RIMBP2: variants seen among roughly 807,000 people sequenced by gnomAD.
RIMBP2 encodes the protein RIMS binding protein 2.
A neutral mutation model predicts 118.6 loss-of-function variants in RIMBP2; 48 were observed. That is an observed-to-expected ratio of 0.40 (90% CI 0.32 to 0.51). The LOEUF (loss-of-function observed/expected upper bound fraction) is 0.51. Ranked by LOEUF, RIMBP2 falls within the 20% of genes least tolerant of loss-of-function variation. The pLI, the probability that RIMBP2 is intolerant of heterozygous loss-of-function variation, is 0.41. For missense variants in RIMBP2, 1,551 were observed against 1,768.3 expected (o/e 0.88, Z 2.20); for synonymous variants, 762 against 742.9 (o/e 1.03, Z -0.42).
chr12:130,479,193 C>A (rs1417653906), intron 4 of RIMBP2, among the ~76,000 whole-genome samples, 177 bp from the exon 5 acceptor site: 1 of 152,228 alleles, frequency 6.6e-6, no homozygotes, highest in Non-Finnish European at 1.5e-5. Context: ...GGCGGCACTC[C>A]CAATGCGGGA....
Position 130,419,834 on chromosome 12 carries a change from C to A in RIMBP2, c.3238+2619G>T, listed in dbSNP as rs1183154202. On this transcript the variant is annotated intron_variant, in intron 17 of 22. Transcript: ENST00000690449. The surrounding 1 kb of genome is among the most constrained non-coding windows in gnomAD (Gnocchi z 4.3). Reference sequence around the variant, plus strand: ...TCAACAACTAGATAAATGCAAAGACCAAAAGTTATAAAGGATAAAAATCAA... The same window carrying A: ...TCAACAACTAGATAAATGCAAAGACAAAAAGTTATAAAGGATAAAAATCAA... 6.6e-6 allele frequency: 1 copy of A among 151,956 alleles called. No homozygotes were observed. The highest frequency in any genetic ancestry group is 1.5e-5 in the Non-Finnish European group (1 of 67,998). 9.4% of individuals were successfully genotyped at this position (151,956 alleles called of 1,614,324 possible).
chr12:130,488,967 G>A (rs2082704226), intron 4 of RIMBP2, among the ~76,000 whole-genome samples: 1 of 148,512 alleles, frequency 6.7e-6, no homozygotes, highest in Admixed American at 7.0e-5. Context: ...TGGGCTCTTG[G>A]CTCTGCTTTC....
intron 2 of RIMBP2, among the ~76,000 whole-genome samples, chr12:130,547,749 C>T (rs889346868): frequency 2.0e-5 from 3 of 152,244 alleles, no homozygotes; most frequent in African/African-American, 7.2e-5. Context: ...AGGGAGATCT[C>T]AGAGCAAAGC....
At chr12:130,707,278 C>A (rs1251430864) in intron 1 of RIMBP2, among the ~76,000 whole-genome samples, 2 of 152,172 alleles carry the variant, frequency 1.3e-5, no homozygotes, top group Non-Finnish European at 2.9e-5. Flanking sequence ...CGTGCCCTCA[C>A]AGAATGGAAC....
At chr12:130,543,465 T>C (rs954812123) in intron 2 of RIMBP2, among the ~76,000 whole-genome samples, 3 of 152,312 alleles carry the variant, frequency 2.0e-5, no homozygotes, top group Admixed American at 2.0e-4. Flanking sequence ...CCAACCGTAT[T>C]GCTGCAGAAA....
intron 17 of RIMBP2, among the ~76,000 whole-genome samples, chr12:130,416,096 G>A (rs2076086994): frequency 6.6e-6 from 1 of 152,160 alleles, no homozygotes; most frequent in South Asian, 2.1e-4. Context: ...TCACATGAAT[G>A]CTAAAATATT....
At chr12:130,650,155 C>T (rs1201963498) in intron 1 of RIMBP2, among the ~76,000 whole-genome samples, 1 of 152,110 alleles carries the variant, frequency 6.6e-6, no homozygotes, top group Admixed American at 6.5e-5. Context: ...CTGCCTTGCC[C>T]CCAGCACCAA....
rs543701905 is a variant in RIMBP2, at chr12:130,446,393, G to A, written c.582-1124C>T. ...AGGTCCCCAGTCTCAATGGCTGAGT[G>A]AGGTCAGGCAACATGCCCAAAGTCA... On this transcript the variant is annotated intron_variant, in intron 9 of 22. Transcript: ENST00000690449. The surrounding 1 kb of genome is among the most constrained non-coding windows in gnomAD (Gnocchi z 4.1). Among the ~76,000 whole-genome samples, 4 of 152,346 alleles carry A rather than the reference G, an allele frequency of 2.6e-5. No individual in the cohort carries two copies. Among genetic ancestry groups the A allele is most frequent in the Admixed American group, 2.0e-4 (3 of 15,304 alleles).
chr12:130,529,077 CA>C (rs1340748156), intron 2 of RIMBP2, among the ~76,000 whole-genome samples: 53 of 152,260 alleles, frequency 3.5e-4, no homozygotes, highest in Admixed American at 3.4e-3. Context: ...ATGGATAAGC[CA>C]AATGTGGTCT....
chr12:130,448,145 C>T (rs1185264633), intron 9 of RIMBP2, among the ~76,000 whole-genome samples: 1 of 151,476 alleles, frequency 6.6e-6, no homozygotes, highest in Non-Finnish European at 1.5e-5. Context: ...GGCATAAATC[C>T]ATCACCAGTA....
chr12:130,642,945 C>A (rs909898370), intron 1 of RIMBP2, among the ~76,000 whole-genome samples: 1 of 152,176 alleles, frequency 6.6e-6, no homozygotes, highest in Non-Finnish European at 1.5e-5. Context: ...CTCCGTGGAG[C>A]GCCATCAATT....
chr12:130,567,946 A>G (rs1463066718), intron 2 of RIMBP2, among the ~76,000 whole-genome samples: 1 of 151,912 alleles, frequency 6.6e-6, no homozygotes, highest in East Asian at 1.9e-4. Context: ...GGCCTGTCTT[A>G]CCTATGCCTT....
chr12:130,520,639 T>C (rs1466743822), intron 2 of RIMBP2, among the ~76,000 whole-genome samples: 4 of 119,974 alleles, frequency 3.3e-5, no homozygotes, highest in Non-Finnish European at 4.8e-5. Flanking sequence ...GCCATTGTAC[T>C]CCAGCCTGGG....
At chr12:130,509,078 T>G (rs904334413) in intron 3 of RIMBP2, among the ~76,000 whole-genome samples, 1 of 152,054 alleles carries the variant, frequency 6.6e-6, no homozygotes, top group African/African-American at 2.4e-5. Context: ...CCTGCAGGGA[T>G]TACCCTGAGC....
intron 3 of RIMBP2, among the ~76,000 whole-genome samples, chr12:130,508,090 G>A (rs187392295): frequency 2.6e-5 from 4 of 152,174 alleles, no homozygotes; most frequent in Admixed American, 2.0e-4. Flanking sequence ...AAATGCCCCC[G>A]GAGAAAATGT....
chr12:130,445,630 A>G (rs1352287069), intron 9 of RIMBP2, among the ~76,000 whole-genome samples: 1 of 152,248 alleles, frequency 6.6e-6, no homozygotes, highest in Non-Finnish European at 1.5e-5. Context: ...TAATCTTTCA[A>G]TAATACAATT....
chr12:130,713,254 GA>G (rs1950083854), intron 1 of RIMBP2, among the ~76,000 whole-genome samples: 5 of 143,604 alleles, frequency 3.5e-5, no homozygotes, highest in African/African-American at 5.2e-5. Context: ...AGGAAGGAAG[GA>G]AGGAAGGAAG....
At chr12:130,552,998 A>C (rs1356041836) in intron 2 of RIMBP2, among the ~76,000 whole-genome samples, 3 of 151,880 alleles carry the variant, frequency 2.0e-5, no homozygotes, top group African/African-American at 7.3e-5. Flanking sequence ...TAAAAAATAC[A>C]AAAAATTAGC....
At chr12:130,631,350 T>C (rs1027145763) in intron 1 of RIMBP2, among the ~76,000 whole-genome samples, 1 of 152,194 alleles carries the variant, frequency 6.6e-6, no homozygotes, top group Non-Finnish European at 1.5e-5. Flanking sequence ...AGTAGCAATT[T>C]AACTATGTGT....
Sources: allele counts gnomAD v4.1 joint callset (sites outside exome capture counted in the v4.1 genomes callset), GRCh38; gene constraint gnomAD v4.1.1; non-coding constraint Gnocchi (gnomAD v3.1); transcripts MANE v1.5; gene names NCBI Gene and HGNC (gene_info 2026-07-23, HGNC 2026-07-21).